The following TTC3 variants were observed in gnomAD, a reference collection of about 807,000 sequenced individuals.
TTC3 encodes the protein E3 ubiquitin-protein ligase TTC3.
A neutral mutation model predicts 249.6 loss-of-function variants in TTC3; 180 were observed. The ratio of observed to expected loss-of-function variants is 0.72; its 90% CI spans 0.64 to 0.82. The LOEUF is 0.82. Among genes scored for constraint, TTC3 ranks in the 40% least tolerant of loss-of-function variants. The pLI is 0.00. For synonymous variants in TTC3, 717 were observed against 805.0 expected, an observed-to-expected ratio of 0.89 and a Z score of 1.85; for missense variants, 2,061 against 2,398.4, an observed-to-expected ratio of 0.86 and a Z score of 2.94.
At chr21:37,152,112 C>A in intron 26 of TTC3, 83 bp downstream of exon 26, 1 of 1,324,070 alleles carries the variant, frequency 7.6e-7, no homozygotes, top group Non-Finnish European at 1.0e-6. Flanking sequence ...GCCTTATATT[C>A]ATCATTATTG....
intron 1 of TTC3, among the ~76,000 whole-genome samples, chr21:37,073,740 C>T (rs2070376653): frequency 6.6e-6 from 1 of 152,100 alleles, no homozygotes; most frequent in South Asian, 2.1e-4. Flanking sequence ...GCTCGCGTGT[C>T]GCCTCGTCGC....
At chr21:37,179,947 A>G (rs916120393) in intron 35 of TTC3, among the ~76,000 whole-genome samples, 1 of 152,380 alleles carries the variant, frequency 6.6e-6, no homozygotes, top group African/African-American at 2.4e-5. Context: ...ATCAGCCTAC[A>G]TCAGAGGACA....
Position 37,107,189 on chromosome 21 carries a change from T to C in TTC3, c.846-1203T>C, listed in dbSNP as rs200459037. 2.0e-4 allele frequency among the ~76,000 whole-genome samples: 30 copies of C among 152,036 alleles called. No individual in the cohort carries two copies. In the East Asian group the frequency reaches 4.1e-3, roughly 21 times the overall value. On this transcript the variant is annotated intron_variant, in intron 10 of 45. Coordinates refer to ENST00000355666, the Ensembl canonical transcript of TTC3. ...TTTAAGAGTGATGAATTAGCATAAATATGAATGTGAAATGATGAACCAGCA... is the reference window on the plus strand; with the variant it reads ...TTTAAGAGTGATGAATTAGCATAAACATGAATGTGAAATGATGAACCAGCA...
At chr21:37,123,635 T>C (rs973782548) in intron 13 of TTC3, among the ~76,000 whole-genome samples, 1 of 152,244 alleles carries the variant, frequency 6.6e-6, no homozygotes, top group Non-Finnish European at 1.5e-5. Flanking sequence ...TTCTGTAGCA[T>C]GCTGAACATG....
intron 10 of TTC3, 139 bp from the exon 11 acceptor site, chr21:37,108,253 A>C: frequency 1.3e-5 from 9 of 669,934 alleles, no homozygotes. Context: ...ATGGACATAT[A>C]TTATATGGAT....
At chr21:37,196,058 G>A in intron 42 of TTC3, 22 bp downstream of exon 42, 1 of 1,612,156 alleles carries the variant, frequency 6.2e-7, no homozygotes, top group Non-Finnish European at 8.5e-7. Context: ...AAATGTCTGT[G>A]ACTGTGTTTA....
chr21:37,162,971 G>C (rs1312838922), intron 31 of TTC3, among the ~76,000 whole-genome samples: 3 of 152,102 alleles, frequency 2.0e-5, no homozygotes, highest in Non-Finnish European at 4.4e-5. Context: ...CATTCATGGG[G>C]GTAGAGCCTA....
Position 37,087,207 on chromosome 21 carries a change from A to C in TTC3, c.-11-40A>C, listed in dbSNP as rs1003351099. 5 of 1,598,072 alleles carry C rather than the reference A, an allele frequency of 3.1e-6. No individual in the cohort carries two copies. In the East Asian group the frequency reaches 1.1e-4, roughly 36 times the overall value. On this transcript the variant is annotated intron_variant, in intron 1 of 45. Coordinates refer to ENST00000355666, the Ensembl canonical transcript of TTC3. ...GGAAAACTTTCTTCTGTTATCTCAA[A>C]TGATTTAATTACTGACTTGAGTTTG...
chr21:37,143,404 AAAAC>A (rs988795701), intron 20 of TTC3, among the ~76,000 whole-genome samples: 20 of 151,914 alleles, frequency 1.3e-4, no homozygotes, highest in African/African-American at 4.3e-4. Flanking sequence ...TTACAAGAAA[AAAAC>A]AACCCCATCA....
intron 10 of TTC3, among the ~76,000 whole-genome samples, chr21:37,106,562 G>T (rs182107287): frequency 1.6e-4 from 24 of 152,266 alleles, no homozygotes; most frequent in Admixed American, 3.3e-4. Context: ...TCTGGACCTG[G>T]TGTTTGTATT....
At chr21:37,096,536 T>G (rs918125131) in intron 9 of TTC3, 45 bp from the exon 10 acceptor site, 1 of 1,416,280 alleles carries the variant, frequency 7.1e-7, no homozygotes, top group African/African-American at 1.4e-5. Flanking sequence ...TTTATTTGTT[T>G]CATGTGTAAT....
chr21:37,197,459 T>A, intron 42 of TTC3, 111 bp from the exon 43 acceptor site: 1 of 1,302,596 alleles, frequency 7.7e-7, no homozygotes, highest in South Asian at 1.2e-5. Context: ...TAATTTTATG[T>A]GCATTTGTCT....
At chr21:37,190,376 C>T (rs1348381570) in intron 39 of TTC3, among the ~76,000 whole-genome samples, 1 of 151,358 alleles carries the variant, frequency 6.6e-6, no homozygotes, top group African/African-American at 2.4e-5. Context: ...CCTGGTGATC[C>T]GCCTGCCTAG....
exon 27 of TTC3, chr21:37,153,264 A>T (rs1482299102): frequency 6.2e-7 from 1 of 1,612,060 alleles, no homozygotes; most frequent in African/African-American, 1.3e-5. Flanking sequence ...GGATCCAAAA[A>T]CTTAATAGCT....
intron 19 of TTC3, among the ~76,000 whole-genome samples, chr21:37,139,932 T>C (rs1308102473): frequency 2.0e-5 from 3 of 152,204 alleles, no homozygotes; most frequent in African/African-American, 7.2e-5. Flanking sequence ...CATTTTGTAG[T>C]GACATTTCTT....
intron 15 of TTC3, among the ~76,000 whole-genome samples, chr21:37,128,214 A>AACCT (rs767283205): frequency 4.6e-5 from 7 of 152,068 alleles, no homozygotes; most frequent in Non-Finnish European, 8.8e-5. Flanking sequence ...CCTCCCCTTA[A>AACCT]ACCTTCATCA....
chr21:37,147,593 C>G (rs769372243), exon 22 of TTC3: 1 of 1,602,178 alleles, frequency 6.2e-7, no homozygotes, highest in South Asian at 1.1e-5. Context: ...ATAACTGATC[C>G]AGACTTTAAG....
chr21:37,096,900 G>A (rs563398097), intron 10 of TTC3: 48 of 310,634 alleles, frequency 1.5e-4, no homozygotes, highest in Non-Finnish European at 2.7e-4. Context: ...CACAGCACCC[G>A]TAATAGGTAG....
chr21:37,155,437 C>T (rs1475575216), intron 27 of TTC3, among the ~76,000 whole-genome samples: 1 of 152,178 alleles, frequency 6.6e-6, no homozygotes, highest in Admixed American at 6.5e-5. Flanking sequence ...GCTATTTTTT[C>T]ATTGGGCTCT....
Sources: allele counts gnomAD v4.1 joint callset (sites outside exome capture counted in the v4.1 genomes callset), GRCh38; gene constraint gnomAD v4.1.1; transcripts MANE v1.5; gene names NCBI Gene and HGNC (gene_info 2026-07-23, HGNC 2026-07-21).